The following SDK1 variants were observed in gnomAD, a reference collection of about 807,000 sequenced individuals.
The protein encoded by SDK1 is protein sidekick-1.
SDK1 carries 157 observed loss-of-function variants against 245.5 expected under a neutral mutation model. That is an observed-to-expected ratio of 0.64 (90% confidence interval 0.56 to 0.73). The LOEUF is 0.73. Among genes scored for constraint, SDK1 ranks in the 30% least tolerant of loss-of-function variants. The probability of loss-of-function intolerance (pLI) is 0.00; values close to 1 mark genes in which losing one functional copy is unlikely to be tolerated. For missense variants in SDK1, 3,583 were observed against 3,002.3 expected, an observed-to-expected ratio of 1.19 and a Z score of -4.52; for synonymous variants, 1,647 against 1,278.5, an observed-to-expected ratio of 1.29 and a Z score of -6.15.
At chr7:3,507,386 G>C (rs1782427173) in intron 1 of SDK1, among the ~76,000 whole-genome samples, 1 of 152,114 alleles carries the variant, frequency 6.6e-6, no homozygotes, top group South Asian at 2.1e-4. Flanking sequence ...TCTCTGTGTT[G>C]TCATGTAACA....
chr7:3,963,040 C>A (rs568732763), intron 9 of SDK1, among the ~76,000 whole-genome samples, 189 bp downstream of exon 9: 1 of 135,606 alleles, frequency 7.4e-6, no homozygotes. Context: ...AGGCTCACAG[C>A]TACCTGACCT....
At chr7:3,924,265 G>C (rs1375165064) in intron 5 of SDK1, among the ~76,000 whole-genome samples, 4 of 152,152 alleles carry the variant, frequency 2.6e-5, no homozygotes, top group Non-Finnish European at 5.9e-5. Context: ...TGGAAGGAGA[G>C]GATGAGTTAG....
At chr7:3,347,381 C>G (rs984787233) in intron 1 of SDK1, among the ~76,000 whole-genome samples, 1 of 152,098 alleles carries the variant, frequency 6.6e-6, no homozygotes, top group East Asian at 1.9e-4. Context: ...AGTTGGAGAT[C>G]TGGTGATGTC....
At chr7:4,245,032 C>T (rs552755740) in intron 43 of SDK1, among the ~76,000 whole-genome samples, 1 of 152,296 alleles carries the variant, frequency 6.6e-6, no homozygotes, top group East Asian at 1.9e-4. Flanking sequence ...TGTCCTTCAC[C>T]CATTCCATTT....
At chr7:4,252,642 T>A (rs1459391683) in intron 44 of SDK1, among the ~76,000 whole-genome samples, 1 of 152,180 alleles carries the variant, frequency 6.6e-6, no homozygotes, top group Non-Finnish European at 1.5e-5. Context: ...TTTGTGTGAT[T>A]TTTATGTAGG....
At chr7:3,907,029 A>G (rs1036426900) in intron 5 of SDK1, among the ~76,000 whole-genome samples, 3 of 152,160 alleles carry the variant, frequency 2.0e-5, no homozygotes, top group South Asian at 2.1e-4. Context: ...TTCACCTAGA[A>G]TCTTACGTCC....
chr7:3,842,120 A>T (rs1385093212), intron 5 of SDK1, among the ~76,000 whole-genome samples: 1 of 152,204 alleles, frequency 6.6e-6, no homozygotes, highest in Non-Finnish European at 1.5e-5. Flanking sequence ...GCAGCTAAAA[A>T]TGTAGTTGTT....
intron 1 of SDK1, among the ~76,000 whole-genome samples, chr7:3,503,616 G>T (rs1453797157): frequency 6.6e-6 from 1 of 152,126 alleles, no homozygotes; most frequent in Non-Finnish European, 1.5e-5. Flanking sequence ...GTTTGAGGCT[G>T]CAGTACGCTA....
At chr7:3,403,649 T>G (rs1778948853) in intron 1 of SDK1, among the ~76,000 whole-genome samples, 1 of 151,166 alleles carries the variant, frequency 6.6e-6, no homozygotes, top group African/African-American at 2.4e-5. Context: ...AGACTCAGTA[T>G]CCTATCAGCT....
chr7:3,432,165 A>T (rs1009633996), intron 1 of SDK1, among the ~76,000 whole-genome samples: 10 of 147,886 alleles, frequency 6.8e-5, no homozygotes, highest in East Asian at 1.9e-4. Context: ...ATATATTTTT[A>T]TATATATATA....
At position 3,561,289 on chromosome 7, in the gene SDK1, T is replaced by G. The variant is rs187818320; in HGVS notation, c.299-57791T>G. Reference sequence around the variant, plus strand: ...CACCCTCAAAAGACTGCCTCTTGGCTTTAGGATATTAAGCCAACTTTTTGA... The same window carrying G: ...CACCCTCAAAAGACTGCCTCTTGGCGTTAGGATATTAAGCCAACTTTTTGA... On this transcript the variant is annotated intron_variant, in intron 1 of 44. Coordinates refer to ENST00000404826, the MANE Select transcript of SDK1 (RefSeq NM_152744.4). Among the ~76,000 whole-genome samples the G allele has an allele frequency of 2.2e-3, 335 of 152,338 alleles. 2 individuals are homozygous for G. Among genetic ancestry groups the G allele is most frequent in the African/African-American group, 7.6e-3 (317 of 41,560 alleles).
intron 2 of SDK1, among the ~76,000 whole-genome samples, chr7:3,620,422 C>T (rs373330177): frequency 6.6e-6 from 1 of 152,030 alleles, no homozygotes; most frequent in South Asian, 2.1e-4. Flanking sequence ...CCTGCCTCAG[C>T]CTCCCAAGTA....
At chr7:3,371,678 G>C (rs1781232092) in intron 1 of SDK1, among the ~76,000 whole-genome samples, 1 of 152,170 alleles carries the variant, frequency 6.6e-6, no homozygotes, top group South Asian at 2.1e-4. Context: ...ACACTCTCAG[G>C]ATGCAGAGGA....
chr7:4,199,063 C>A (rs182818922), intron 35 of SDK1, among the ~76,000 whole-genome samples: 4 of 152,180 alleles, frequency 2.6e-5, no homozygotes, highest in African/African-American at 7.2e-5. Context: ...GATCCACCCT[C>A]CTCGGCCTCC....
intron 1 of SDK1, among the ~76,000 whole-genome samples, chr7:3,565,369 C>G (rs952948679): frequency 2.0e-5 from 3 of 152,164 alleles, no homozygotes; most frequent in Non-Finnish European, 4.4e-5. Context: ...GAGAGATGCA[C>G]TATAAAGTAT....
intron 1 of SDK1, among the ~76,000 whole-genome samples, chr7:3,414,380 T>A (rs188315677): frequency 3.5e-4 from 54 of 152,196 alleles, no homozygotes; most frequent in African/African-American, 1.3e-3. Flanking sequence ...GAACCCTGAC[T>A]TCTGTCATGG....
rs10259149 is a variant in SDK1, at chr7:3,776,924, G to A, written c.714-44526G>A. 5.4e-3 allele frequency among the ~76,000 whole-genome samples: 826 copies of A among 152,230 alleles called. 9 individuals carry two copies. The highest frequency in any genetic ancestry group is 0.019 in the African/African-American group (794 of 41,508). On this transcript the variant is annotated intron_variant, in intron 4 of 44. Transcript: ENST00000404826. ...AACATGCAGAGAACTGTATCATAGA[G>A]CACGGTGTATACCCACACGGACTGT...
intron 2 of SDK1, among the ~76,000 whole-genome samples, chr7:3,627,375 G>A (rs1346443968): frequency 1.3e-5 from 2 of 152,298 alleles, no homozygotes; most frequent in East Asian, 3.9e-4. Flanking sequence ...TCCCTGATCT[G>A]GGACAATTCT....
intron 1 of SDK1, among the ~76,000 whole-genome samples, chr7:3,399,549 A>G (rs960295580): frequency 6.6e-6 from 1 of 152,038 alleles, no homozygotes; most frequent in Non-Finnish European, 1.5e-5. Context: ...TAAACTTTGG[A>G]AGTTCAAATT....
Sources: allele counts gnomAD v4.1 joint callset (sites outside exome capture counted in the v4.1 genomes callset), GRCh38; gene constraint gnomAD v4.1.1; transcripts MANE v1.5; gene names NCBI Gene and HGNC (gene_info 2026-07-23, HGNC 2026-07-21).